ANKRD18A: variants seen among roughly 807,000 people sequenced by gnomAD.
ANKRD18A encodes ankyrin repeat domain-containing protein 18A.
A neutral mutation model predicts 110.6 loss-of-function variants in ANKRD18A; 72 were observed. The observed-to-expected ratio is 0.65, with a 90% CI of 0.54 to 0.79. The LOEUF is 0.79. Among genes scored for constraint, ANKRD18A ranks in the 30% least tolerant of loss-of-function variants. The pLI is 0.00. For missense variants in ANKRD18A, 934 were observed against 1,163.3 expected (o/e 0.80, Z 2.87); for synonymous variants, 305 against 410.3 (o/e 0.74, Z 3.10).
chr9:38,593,053 C>T (rs57962052), intron 10 of ANKRD18A, among the ~76,000 whole-genome samples: 74 of 152,326 alleles, frequency 4.9e-4, no homozygotes, highest in African/African-American at 1.7e-3. Context: ...CTAACAGACA[C>T]TGAGTTGTAC....
chr9:38,599,183 T>C (rs979650400), intron 8 of ANKRD18A, among the ~76,000 whole-genome samples: 55 of 152,322 alleles, frequency 3.6e-4, no homozygotes, highest in Middle Eastern at 3.4e-3. Flanking sequence ...GCTTAGAAGA[T>C]GACTGGCAAG....
At chr9:38,602,876 C>T (rs971161680) in intron 7 of ANKRD18A, among the ~76,000 whole-genome samples, 1 of 152,158 alleles carries the variant, frequency 6.6e-6, no homozygotes, top group Non-Finnish European at 1.5e-5. Context: ...GGCGATGTTG[C>T]CCAGGCTGCT....
intron 12 of ANKRD18A, among the ~76,000 whole-genome samples, chr9:38,582,634 T>A (rs563541182): frequency 6.6e-6 from 1 of 152,328 alleles, no homozygotes; most frequent in African/African-American, 2.4e-5. Flanking sequence ...CAACTGGGTA[T>A]CCATGTGCAA....
downstream of ANKRD18A, chr9:38,569,387 C>G (rs1823557708): frequency 1.0e-6 from 1 of 985,404 alleles, no homozygotes; most frequent in Non-Finnish European, 1.2e-6. Flanking sequence ...GAGAAGAGAG[C>G]AGGTCCCACT....
chr9:38,585,933 T>C (rs1832328), intron 12 of ANKRD18A, among the ~76,000 whole-genome samples: 72,966 of 152,044 alleles, frequency 0.48, 20,312 homozygotes, highest in African/African-American at 0.78. Context: ...TGCATCTTCT[T>C]ACTTATAAGT....
intron 6 of ANKRD18A, among the ~76,000 whole-genome samples, chr9:38,603,667 G>A (rs990803617): frequency 5.3e-5 from 8 of 151,976 alleles, no homozygotes; most frequent in African/African-American, 1.4e-4. Flanking sequence ...AGACCACATG[G>A]CCTAAAATAT....
At chr9:38,574,833 C>G (rs541208127) in intron 15 of ANKRD18A, among the ~76,000 whole-genome samples, 1 of 152,122 alleles carries the variant, frequency 6.6e-6, no homozygotes, top group African/African-American at 2.4e-5. Context: ...CAGAGGCTCA[C>G]CCCTGTAATC....
chr9:38,606,241 CAGTTACGTTCTT>C (rs1271014999), intron 6 of ANKRD18A, among the ~76,000 whole-genome samples: 1 of 152,130 alleles, frequency 6.6e-6, no homozygotes, highest in South Asian at 2.1e-4. Context: ...GTTCTAAAGA[CAGTTACGTTCTT>C]AGTGACACAG....
chr9:38,598,822 G>C (rs1471833840), intron 8 of ANKRD18A, among the ~76,000 whole-genome samples: 1 of 152,146 alleles, frequency 6.6e-6, no homozygotes, highest in Admixed American at 6.6e-5. Flanking sequence ...ATTGGTTTTC[G>C]GCTTCATAAG....
chr9:38,574,143 A>T (rs915116185), intron 15 of ANKRD18A, among the ~76,000 whole-genome samples: 3 of 152,162 alleles, frequency 2.0e-5, no homozygotes, highest in African/African-American at 7.2e-5. Flanking sequence ...CACATATGAG[A>T]GCAAACAAGA....
chr9:38,593,193 T>C (rs1047846156), intron 10 of ANKRD18A, among the ~76,000 whole-genome samples: 2 of 152,226 alleles, frequency 1.3e-5, no homozygotes, highest in African/African-American at 4.8e-5. Context: ...TAGATCTGAG[T>C]ATTTCTACGC....
intron 14 of ANKRD18A, among the ~76,000 whole-genome samples, 190 bp from the exon 15 acceptor site, chr9:38,575,888 T>G (rs10814721): frequency 0.27 from 41,594 of 152,094 alleles, 6,315 homozygotes; most frequent in East Asian, 0.47. Flanking sequence ...TAAATAAGTA[T>G]ATGTGTTTCT....
chr9:38,599,391 C>T (rs1825026199), intron 8 of ANKRD18A, among the ~76,000 whole-genome samples: 1 of 152,166 alleles, frequency 6.6e-6, no homozygotes, highest in African/African-American at 2.4e-5. Flanking sequence ...AGTGTAAGAG[C>T]TCTTCCTCAG....
At chr9:38,586,841 G>A (rs1563960540) in intron 11 of ANKRD18A, among the ~76,000 whole-genome samples, 1 of 152,086 alleles carries the variant, frequency 6.6e-6, no homozygotes, top group African/African-American at 2.4e-5. Context: ...TGGGATTACA[G>A]GCATGAGCCA....
At chr9:38,604,575 C>G (rs1487269903) in intron 6 of ANKRD18A, among the ~76,000 whole-genome samples, 1 of 146,404 alleles carries the variant, frequency 6.8e-6, no homozygotes, top group African/African-American at 2.6e-5. Flanking sequence ...TTAGGTCTTC[C>G]AGTATTTGCA....
At chr9:38,582,124 C>T (rs923200333) in intron 12 of ANKRD18A, among the ~76,000 whole-genome samples, 16 of 151,904 alleles carry the variant, frequency 1.1e-4, no homozygotes, top group Admixed American at 9.8e-4. Context: ...CTCCTCCTTC[C>T]TGGATGGTAA....
At position 38,588,546 on chromosome 9, in the gene ANKRD18A, C is replaced by G. The variant is rs1192286654; in HGVS notation, c.2117+5G>C. 1.5e-6 allele frequency: 2 copies of G among 1,312,730 alleles called. No homozygotes were observed. Among genetic ancestry groups the G allele is most frequent in the Non-Finnish European group, 2.0e-6 (2 of 1,013,788 alleles). The allele number at this position is 1,312,730 out of a possible 1,614,324, so 81.3% of individuals were successfully genotyped here. A position where few individuals can be genotyped will look rare whatever the true frequency, so the allele number is the denominator to read the frequency against. On this transcript the variant is annotated splice_donor_5th_base_variant and intron_variant, in intron 11 of 15. Transcript: ENST00000399703. ...TTAAAATGTTCTACAATATGAAAAC[C>G]ATACCCAGTTGCCTCTTCTTCTAAT...
Position 38,603,163 on chromosome 9 carries a change from T to C in ANKRD18A, c.858A>G (p.Ala286=). Residue 286 remains alanine (A), a synonymous_variant, in exon 7 of 16, where the codon GCA becomes GCG. Coordinates refer to ENST00000399703, the MANE Select transcript of ANKRD18A (RefSeq NM_147195.4). ...TAGAGAACTCAAGTGTCTTACCTTTTGCACGTTCTTTTCTTTTTTTCAAAT... is the reference window on the plus strand; with the variant it reads ...TAGAGAACTCAAGTGTCTTACCTTTCGCACGTTCTTTTCTTTTTTTCAAAT... ...PANLKKRKER[A]KAEHNLKVAS... 6.4e-7 allele frequency: 1 copy of C among 1,551,136 alleles called. No homozygotes were observed. The highest frequency in any genetic ancestry group is 8.7e-7 in the Non-Finnish European group (1 of 1,146,602).
chr9:38,569,479 A>G, downstream of ANKRD18A: 1 of 978,332 alleles, frequency 1.0e-6, no homozygotes. Context: ...ACTCACAGAG[A>G]CTGCTGCGTG....
Sources: allele counts gnomAD v4.1 joint callset (sites outside exome capture counted in the v4.1 genomes callset), GRCh38; gene constraint gnomAD v4.1.1; transcripts MANE v1.5; gene names NCBI Gene and HGNC (gene_info 2026-07-23, HGNC 2026-07-21).